The following PCDH7 variants were observed in gnomAD, a reference collection of about 807,000 sequenced individuals.
PCDH7 encodes protocadherin 7, also known as protocadherin-7.
Under a neutral mutation model 58.9 loss-of-function variants are expected in PCDH7, and 17 were observed. The observed-to-expected ratio is 0.29, with a 90% CI of 0.20 to 0.43. The LOEUF is 0.43. Among genes scored for constraint, PCDH7 ranks in the 20% least tolerant of loss-of-function variants. The pLI, the probability that PCDH7 is intolerant of heterozygous loss-of-function variation, is 1.00. For missense variants in PCDH7, 1,274 were observed against 1,441.0 expected (o/e 0.88, Z 1.88); for synonymous variants, 664 against 616.4 (o/e 1.08, Z -1.14).
intron 3 of PCDH7, among the ~76,000 whole-genome samples, chr4:30,956,400 T>C (rs1320947267): frequency 1.3e-5 from 2 of 152,200 alleles, no homozygotes; most frequent in Non-Finnish European, 2.9e-5. Context: ...TAGCCAATGC[T>C]GTAGTGTTCT....
At position 30,721,556 on chromosome 4, in the gene PCDH7, A is replaced by G; in HGVS notation, c.134A>G (p.Asp45Gly). 6.2e-7 allele frequency: 1 copy of G among 1,604,472 alleles called. No homozygotes were observed. Among genetic ancestry groups the G allele is most frequent in the Non-Finnish European group, 8.5e-7 (1 of 1,179,826 alleles). ...CGGCTGGCCGAGGAGGGCCCCGCCG[A>G]CGTCCGCATCGGCAACGTGGCTTCA... Residue 45 changes from aspartate to glycine, a missense_variant, in exon 1 of 2, where the codon GAC becomes GGC. Physicochemically the swap from Asp to Gly is moderately conservative, Grantham distance 94. This residue lies in a region of PCDH7 where 212 missense variants were observed against 255.8 expected (regional missense o/e 0.83). Coordinates refer to ENST00000361762, the Ensembl canonical transcript of PCDH7. The surrounding 1 kb of genome is among the most constrained non-coding windows in gnomAD (Gnocchi z 6.7).
At chr4:31,128,976 C>A (rs1288697673) in intron 3 of PCDH7, among the ~76,000 whole-genome samples, 1 of 152,112 alleles carries the variant, frequency 6.6e-6, no homozygotes, top group Non-Finnish European at 1.5e-5. Context: ...AGTGACATTG[C>A]ATTTAGGATT....
intron 2 of PCDH7, among the ~76,000 whole-genome samples, chr4:30,946,690 T>TTGTGTGTGTGTGTGTGTG (rs112524366): frequency 0.016 from 2,212 of 137,586 alleles, 45 homozygotes; most frequent in African/African-American, 0.019. Flanking sequence ...CTTATCTCTT[T>TTGTGTGTGTGTGTGTGTG]TGTGTGTGTG....
intron 1 of PCDH7, among the ~76,000 whole-genome samples, chr4:30,817,612 G>A (rs556154469): frequency 1.7e-4 from 26 of 151,968 alleles, no homozygotes; most frequent in South Asian, 1.0e-3. Flanking sequence ...TCATCCTTCT[G>A]AGACGACTAT....
intron 3 of PCDH7, among the ~76,000 whole-genome samples, chr4:30,998,325 A>G (rs1273486078): frequency 3.3e-5 from 5 of 152,152 alleles, no homozygotes; most frequent in Non-Finnish European, 2.9e-5. Context: ...TTATTCGATA[A>G]CTTTCTCAGA....
At chr4:31,003,751 C>G (rs988868699) in intron 3 of PCDH7, among the ~76,000 whole-genome samples, 2 of 151,686 alleles carry the variant, frequency 1.3e-5, no homozygotes, top group African/African-American at 4.8e-5. Flanking sequence ...ACTAAAAATA[C>G]AAAAAAATTA....
chr4:30,764,951 C>G (rs561740533), intron 1 of PCDH7, among the ~76,000 whole-genome samples: 7 of 151,854 alleles, frequency 4.6e-5, no homozygotes, highest in Non-Finnish European at 1.0e-4. Flanking sequence ...TATCTCCTGA[C>G]GTCGTGATCT....
intron 3 of PCDH7, among the ~76,000 whole-genome samples, chr4:31,084,914 C>T (rs921649751): frequency 1.3e-5 from 2 of 152,026 alleles, no homozygotes; most frequent in Non-Finnish European, 2.9e-5. Context: ...AGGATCTGCC[C>T]CCGTGGTCCA....
chr4:30,753,606 G>A (rs1718862038), intron 1 of PCDH7, among the ~76,000 whole-genome samples: 1 of 152,158 alleles, frequency 6.6e-6, no homozygotes, highest in Non-Finnish European at 1.5e-5. Flanking sequence ...GTAGATTTGG[G>A]CTAAGCTTCC....
At chr4:30,767,341 A>G (rs1720883834) in intron 1 of PCDH7, among the ~76,000 whole-genome samples, 1 of 152,220 alleles carries the variant, frequency 6.6e-6, no homozygotes, top group African/African-American at 2.4e-5. Flanking sequence ...CTCAAGAGCT[A>G]AATAAGAACA....
intron 3 of PCDH7, among the ~76,000 whole-genome samples, chr4:31,103,735 C>T (rs942783111): frequency 3.3e-5 from 5 of 152,156 alleles, no homozygotes; most frequent in Non-Finnish European, 7.3e-5. Context: ...ATTCCATTCC[C>T]CTCTATGAAT....
At chr4:30,820,320 A>AT (rs1488510128) in intron 1 of PCDH7, among the ~76,000 whole-genome samples, 3 of 152,124 alleles carry the variant, frequency 2.0e-5, no homozygotes, top group African/African-American at 7.2e-5. Flanking sequence ...TGACTCAAGC[A>AT]TTTTTTTAAA....
chr4:31,064,433 T>C (rs957150620), intron 3 of PCDH7, among the ~76,000 whole-genome samples: 2 of 151,984 alleles, frequency 1.3e-5, no homozygotes, highest in Non-Finnish European at 2.9e-5. Context: ...CCTAAGGCTT[T>C]TGTAATCAAG....
intron 1 of PCDH7, among the ~76,000 whole-genome samples, chr4:30,830,505 C>CT (rs1229449590): frequency 6.6e-6 from 1 of 151,732 alleles, no homozygotes; most frequent in Non-Finnish European, 1.5e-5. Context: ...ATTTTAGTTC[C>CT]TTTTTTAATC....
intron 1 of PCDH7, among the ~76,000 whole-genome samples, chr4:30,794,779 A>C (rs1254289049): frequency 2.0e-5 from 3 of 152,118 alleles, no homozygotes; most frequent in African/African-American, 7.2e-5. Context: ...GTAAAATAAG[A>C]ATAAATTTGT....
At chr4:30,929,397 G>A (rs1026724364) in intron 2 of PCDH7, among the ~76,000 whole-genome samples, 2 of 151,874 alleles carry the variant, frequency 1.3e-5, no homozygotes, top group African/African-American at 4.8e-5. Flanking sequence ...CTTAATATAC[G>A]CAGGTAGATT....
intron 3 of PCDH7, among the ~76,000 whole-genome samples, chr4:31,055,558 A>G (rs1757091473): frequency 6.6e-6 from 1 of 152,018 alleles, no homozygotes; most frequent in Admixed American, 6.6e-5. Flanking sequence ...CTTATAATAT[A>G]AAGGCTTTGT....
In PCDH7 at chr4:30,721,959, C is replaced by T. The variant is rs1713647146; in HGVS notation, c.537C>T (p.Arg179=). The change falls in exon 1 of 2, where the codon CGC becomes CGT. Residue 179 remains arginine (R), a synonymous_variant. Transcript: ENST00000361762. The surrounding 1 kb of genome is among the most constrained non-coding windows in gnomAD (Gnocchi z 6.7). ...ACTTCGGCCGCAACGGCATCGAGCG[C>T]TACGAGCTGCTCCAGGAGCCCGGAG... 1 of 1,529,330 alleles carries T rather than the reference C, an allele frequency of 6.5e-7. No homozygotes were observed. The highest frequency in any genetic ancestry group is 2.6e-5 in the East Asian group (1 of 38,776). The allele number at this position is 1,529,330 out of a possible 1,614,324, so 94.7% of individuals were successfully genotyped here. A position where few individuals can be genotyped will look rare whatever the true frequency, so the allele number is the denominator to read the frequency against.
intron 3 of PCDH7, among the ~76,000 whole-genome samples, chr4:31,020,293 G>T (rs1753922966): frequency 6.6e-6 from 1 of 152,164 alleles, no homozygotes; most frequent in African/African-American, 2.4e-5. Flanking sequence ...GAGATAAAAA[G>T]CATTTTCCCT....
Sources: allele counts gnomAD v4.1 joint callset (sites outside exome capture counted in the v4.1 genomes callset), GRCh38; gene constraint gnomAD v4.1.1; regional missense constraint gnomAD v4.1.1; non-coding constraint Gnocchi (gnomAD v3.1); transcripts MANE v1.5; gene names NCBI Gene and HGNC (gene_info 2026-07-23, HGNC 2026-07-21).